Variants in RFX4 observed in about 807,000 individuals in gnomAD.
The protein encoded by RFX4 is transcription factor RFX4.
Under a neutral mutation model 95.0 loss-of-function variants are expected in RFX4, and 10 were observed. The observed-to-expected ratio is 0.11, with a 90% CI of 0.06 to 0.18. The LOEUF (loss-of-function observed/expected upper bound fraction) is 0.18, where lower values mean the gene tolerates loss of function less well. RFX4 is among the 10% of genes least tolerant of loss of function. The probability of loss-of-function intolerance (pLI) is 1.00; values close to 1 mark genes in which losing one functional copy is unlikely to be tolerated. For synonymous variants in RFX4, 321 were observed against 340.7 expected, an observed-to-expected ratio of 0.94 and a Z score of 0.64; for missense variants, 640 against 922.0, an observed-to-expected ratio of 0.69 and a Z score of 3.96.
At chr12:106,689,240 T>C in intron 6 of RFX4, 47 bp from the exon 7 acceptor site, 4 of 1,428,450 alleles carry the variant, frequency 2.8e-6, no homozygotes, top group Non-Finnish European at 4.0e-6. Flanking sequence ...AGCAGCAATG[T>C]GTATTAATGT....
rs987854973 is a variant in RFX4, at chr12:106,762,192, T to C, written c.*723T>C. On this transcript the variant is annotated 3_prime_UTR_variant, in exon 18 of 18. Transcript: ENST00000392842. ...ACTGGTTCTTCTACATACAAGGATT[T>C]GTCTTAAGTTTGCACAATGGCTAGT... 1 of 152,664 alleles carries C rather than the reference T, an allele frequency of 6.6e-6. No individual in the cohort carries two copies. Among genetic ancestry groups the C allele is most frequent in the African/African-American group, 2.4e-5 (1 of 41,464 alleles). 9.5% of individuals were successfully genotyped at this position (152,664 alleles called of 1,614,324 possible).
chr12:106,727,417 T>TGGGAATTTCCCATTTCTATCAG (rs2042522751), intron 13 of RFX4, among the ~76,000 whole-genome samples: 1 of 152,148 alleles, frequency 6.6e-6, no homozygotes, highest in Non-Finnish European at 1.5e-5. Context: ...ATTTCTATCA[T>TGGGAATTTCCCATTTCTATCAG]GAAAAGACAG....
chr12:106,617,815 C>T (rs1176861411), intron 2 of RFX4, among the ~76,000 whole-genome samples: 1 of 152,220 alleles, frequency 6.6e-6, no homozygotes, highest in African/African-American at 2.4e-5. Context: ...TAGCCTCTGC[C>T]TCCCAGGTTC....
rs541516132 is a variant in RFX4 at position 106,583,267 on chromosome 12, G to A, written c.-54G>A. 31 of 1,542,264 alleles carry A rather than the reference G, an allele frequency of 2.0e-5. No homozygotes were observed. The African/African-American group carries it at 3.1e-4, about 16-fold the overall frequency. On this transcript the variant is annotated 5_prime_UTR_variant, in exon 1 of 18. Transcript: ENST00000392842. ...CTCCCTGGGCATCTCTAGCACAGGG[G>A]ATCCCCAAACATCAGGACTTTTGGG...
At chr12:106,705,916 C>T (rs573955549) in intron 8 of RFX4, among the ~76,000 whole-genome samples, 6 of 152,172 alleles carry the variant, frequency 3.9e-5, no homozygotes, top group Non-Finnish European at 8.8e-5. Context: ...ATAGTCCCTG[C>T]CCTCTGCATG....
At chr12:106,617,287 T>C (rs2040091822) in intron 2 of RFX4, among the ~76,000 whole-genome samples, 1 of 152,196 alleles carries the variant, frequency 6.6e-6, no homozygotes, top group Non-Finnish European at 1.5e-5. Flanking sequence ...CTACTTTCTT[T>C]CAGTTTAATT....
intron 8 of RFX4, among the ~76,000 whole-genome samples, chr12:106,707,724 C>T (rs2042112151): frequency 1.3e-5 from 2 of 152,034 alleles, no homozygotes; most frequent in Admixed American, 1.3e-4. Context: ...TTGAAGAAGT[C>T]TGTCTGTGAT....
At chr12:106,756,702 G>T (rs1041719634) in intron 17 of RFX4, among the ~76,000 whole-genome samples, 3 of 152,140 alleles carry the variant, frequency 2.0e-5, no homozygotes, top group African/African-American at 7.2e-5. Flanking sequence ...GATAATTATG[G>T]TATCTATTTT....
chr12:106,651,294 G>C (rs2040851798), intron 3 of RFX4, among the ~76,000 whole-genome samples: 1 of 152,126 alleles, frequency 6.6e-6, no homozygotes, highest in African/African-American at 2.4e-5. Context: ...TTTACTAGCT[G>C]CATGACTGGG....
In RFX4 at chr12:106,663,710, T is replaced by G. The variant is rs1377014658; in HGVS notation, c.315+9359T>G. On this transcript the variant is annotated intron_variant, in intron 4 of 17. Coordinates refer to ENST00000392842, the MANE Select transcript of RFX4 (RefSeq NM_213594.3). ...GCTGTAGGTTTTTTGTAGATATTCT[T>G]TATCAAATTGAAGAAATTACCCTTT... 3.9e-5 allele frequency among the ~76,000 whole-genome samples: 6 copies of G among 152,020 alleles called. No individual in the cohort carries two copies. In the South Asian group the frequency reaches 1.2e-3, roughly 31 times the overall value.
At chr12:106,585,220 G>A (rs1016768791) in intron 1 of RFX4, among the ~76,000 whole-genome samples, 2 of 152,212 alleles carry the variant, frequency 1.3e-5, no homozygotes, top group African/African-American at 2.4e-5. Context: ...CCTCCACAGG[G>A]CCAGGCCCCT....
chr12:106,738,032 GA>G (rs2042743747), intron 15 of RFX4, among the ~76,000 whole-genome samples: 1 of 152,176 alleles, frequency 6.6e-6, no homozygotes, highest in Non-Finnish European at 1.5e-5. Flanking sequence ...TAAAAGGGAA[GA>G]GAATTTAAGT....
intron 1 of RFX4, among the ~76,000 whole-genome samples, chr12:106,590,258 G>A (rs2039519046): frequency 6.6e-6 from 1 of 152,234 alleles, no homozygotes; most frequent in South Asian, 2.1e-4. Flanking sequence ...TGATACAGCT[G>A]TAGTGAATAT....
chr12:106,643,663 T>G (rs2040682608), intron 3 of RFX4, among the ~76,000 whole-genome samples: 1 of 152,206 alleles, frequency 6.6e-6, no homozygotes, highest in Non-Finnish European at 1.5e-5. Context: ...AATCTGATGC[T>G]TACAGACTTT....
At chr12:106,623,098 G>A (rs1565953996) in intron 2 of RFX4, among the ~76,000 whole-genome samples, 1 of 147,800 alleles carries the variant, frequency 6.8e-6, no homozygotes, top group Non-Finnish European at 1.5e-5. Flanking sequence ...GAGTGCAGTG[G>A]CATGAAATCG....
In RFX4 at chr12:106,583,383, T is replaced by C. The variant is rs374625233; in HGVS notation, c.43+20T>C. ...CCACAGGTTAGTCCTACTGGCGGGGTTGGGGGGATACATTGGGAGGGAAGG... is the reference window on the plus strand; with the variant it reads ...CCACAGGTTAGTCCTACTGGCGGGGCTGGGGGGATACATTGGGAGGGAAGG... On this transcript the variant is annotated intron_variant, in intron 1 of 17. Coordinates refer to ENST00000392842, the MANE Select transcript of RFX4 (RefSeq NM_213594.3). 40 of 1,534,810 alleles carry C rather than the reference T, an allele frequency of 2.6e-5. No individual in the cohort carries two copies. The highest frequency in any genetic ancestry group is 3.3e-5 in the Non-Finnish European group (38 of 1,147,580).
chr12:106,761,470 C>G lies in RFX4; in HGVS notation c.*1C>G. 6.3e-7 allele frequency: 1 copy of G among 1,586,356 alleles called. No individual in the cohort carries two copies. Among genetic ancestry groups the G allele is most frequent in the Non-Finnish European group, 8.6e-7 (1 of 1,165,416 alleles). On this transcript the variant is annotated 3_prime_UTR_variant, in exon 18 of 18. Coordinates refer to ENST00000392842, the MANE Select transcript of RFX4 (RefSeq NM_213594.3). ...GGCCTCTACAGGATGGGCTAAATGA[C>G]TGCTATCATAGGCATCCATATTTAA...
chr12:106,626,268 GAGAGGTCACA>G (rs1443960169), intron 2 of RFX4, among the ~76,000 whole-genome samples: 4 of 152,290 alleles, frequency 2.6e-5, no homozygotes, highest in African/African-American at 7.2e-5. Flanking sequence ...TAAAGTCTGG[GAGAGGTCACA>G]AGATTGAAAG....
At chr12:106,678,743 A>G (rs1226777544) in intron 4 of RFX4, among the ~76,000 whole-genome samples, 6 of 152,260 alleles carry the variant, frequency 3.9e-5, no homozygotes, top group African/African-American at 1.2e-4. Context: ...TTATAAAACT[A>G]TAACATAAAC....
Sources: gnomAD v4.1 joint callset for allele counts (sites outside exome capture counted in the v4.1 genomes callset) on GRCh38, gnomAD v4.1.1 for gene constraint, MANE v1.5 for transcripts, NCBI Gene and HGNC (gene_info 2026-07-23, HGNC 2026-07-21) for gene names.